STAT5B: variants seen among roughly 807,000 people sequenced by gnomAD.
STAT5B encodes the protein transcription factor STAT5B.
STAT5B carries 21 observed loss-of-function variants against 107.8 expected under a neutral mutation model. The ratio of observed to expected loss-of-function variants is 0.19; its 90% CI spans 0.14 to 0.28. The LOEUF is 0.28. Among genes scored for constraint, STAT5B ranks in the 10% least tolerant of loss-of-function variants. The pLI, the probability that STAT5B is intolerant of heterozygous loss-of-function variation, is 1.00. For missense variants in STAT5B, 565 were observed against 1,008.2 expected, an observed-to-expected ratio of 0.56 and a Z score of 5.95; for synonymous variants, 325 against 401.7, an observed-to-expected ratio of 0.81 and a Z score of 2.28.
At chr17:42,258,380 T>C (rs921731167) in intron 1 of STAT5B, among the ~76,000 whole-genome samples, 5 of 152,330 alleles carry the variant, frequency 3.3e-5, no homozygotes, top group Admixed American at 1.3e-4. Flanking sequence ...TCAGGTATCC[T>C]TTAAAAAGAC....
At chr17:42,245,854 T>C (rs2080447501) in intron 1 of STAT5B, among the ~76,000 whole-genome samples, 1 of 151,820 alleles carries the variant, frequency 6.6e-6, no homozygotes, top group Admixed American at 6.6e-5. Context: ...AGAGATGGGG[T>C]TTCACCATGT....
intron 9 of STAT5B, 123 bp from the exon 10 acceptor site, chr17:42,217,587 G>C: frequency 9.8e-7 from 1 of 1,016,174 alleles, no homozygotes; most frequent in Non-Finnish European, 1.5e-6. Flanking sequence ...TCATTTAGAG[G>C]AAATGTTAGC....
chr17:42,237,002 C>G (rs1218253767), intron 1 of STAT5B, among the ~76,000 whole-genome samples: 1 of 152,180 alleles, frequency 6.6e-6, no homozygotes, highest in African/African-American at 2.4e-5. Context: ...TAAATCATCA[C>G]AGGGGATTCT....
the STAT5B span, among the ~76,000 whole-genome samples, chr17:42,283,673 G>C: frequency 6.6e-6 from 1 of 152,196 alleles, no homozygotes; most frequent in Admixed American, 6.5e-5. Context: ...GGCAGGAACG[G>C]GCTTCACCCA....
Position 42,201,754 on chromosome 17 carries a change from G to A in STAT5B, c.2348C>T (p.Pro783Leu), listed in dbSNP as rs752309096. 8 of 1,610,150 alleles carry A rather than the reference G, an allele frequency of 5.0e-6. No homozygotes were observed. The highest frequency in any genetic ancestry group is 1.7e-5 in the Admixed American group (1 of 59,994). Residue 783 changes from proline to leucine, a missense_variant, in exon 19 of 19, where the codon CCG becomes CTG. By Grantham distance (98) the Pro-to-Leu change is moderately conservative. Around this residue, in one of 11 missense-constraint regions of STAT5B, gnomAD observed 76 missense variants for 110.2 expected, o/e 0.69. Coordinates refer to ENST00000293328, the MANE Select transcript of STAT5B (RefSeq NM_012448.4). ...LGRPMDSQWI[P>L]HAQS ...GTCGCGGGGTCACGATTGTGCGTGC[G>A]GGATCCACTGACTGTCCATTGGCCG...
In STAT5B at chr17:42,221,046, G is replaced by A. The variant is rs1226120022; in HGVS notation, c.551-1204C>T. On this transcript the variant is annotated intron_variant, in intron 5 of 18. Coordinates refer to ENST00000293328, the MANE Select transcript of STAT5B (RefSeq NM_012448.4). The stretch of plus-strand genomic sequence containing the variant: ...ACCAGCATGTCTTGGTCGAGCTCCT[G>A]GCTGGCCCCTGAGGGCCACGTCACT... 8.2e-3 allele frequency among the ~76,000 whole-genome samples: 1,140 copies of A among 139,834 alleles called. 3 individuals carry two copies. Among genetic ancestry groups the A allele is most frequent in the African/African-American group, 0.032 (1,069 of 33,326 alleles). 91.7% of individuals were successfully genotyped at this position (139,834 alleles called of 152,430 possible).
chr17:42,275,918 T>C (rs2080760978), intron 1 of STAT5B, among the ~76,000 whole-genome samples: 2 of 152,056 alleles, frequency 1.3e-5, no homozygotes, highest in African/African-American at 4.8e-5. Flanking sequence ...AGCAGCCCCC[T>C]GAGCTCCTAT....
At chr17:42,259,126 C>T (rs563894157) in intron 1 of STAT5B, among the ~76,000 whole-genome samples, 3 of 152,172 alleles carry the variant, frequency 2.0e-5, no homozygotes, top group Non-Finnish European at 4.4e-5. Flanking sequence ...AGTGATTTGA[C>T]AGTTGAGGTA....
At position 42,254,551 on chromosome 17, in the gene STAT5B, C is replaced by T. The variant is rs1598331456; in HGVS notation, c.-11+21697G>A. Among the ~76,000 whole-genome samples, 3 of 152,078 alleles carry T rather than the reference C, an allele frequency of 2.0e-5. No individual in the cohort carries two copies. The South Asian group carries it at 6.2e-4, about 32-fold the overall frequency. ...AAAAAAAAAATTAAGAATATTTCCC[C>T]TTCATTTTGGTTCTCTTACTCTCTT... On this transcript the variant is annotated intron_variant, in intron 1 of 18. Coordinates refer to ENST00000293328, the MANE Select transcript of STAT5B (RefSeq NM_012448.4).
chr17:42,287,163 A>T, the STAT5B span, among the ~76,000 whole-genome samples: 1 of 151,634 alleles, frequency 6.6e-6, no homozygotes, highest in Admixed American at 6.6e-5. Flanking sequence ...AGGTGGGGAG[A>T]ACGCAGACAT....
chr17:42,239,153 C>G (rs1027352469), intron 1 of STAT5B, among the ~76,000 whole-genome samples: 11 of 145,792 alleles, frequency 7.5e-5, no homozygotes, highest in African/African-American at 2.8e-4. Context: ...GAGGCTGAGG[C>G]AGAAGAATCG....
At chr17:42,217,895 AG>A (rs1290960128) in intron 9 of STAT5B, 6 of 529,932 alleles carry the variant, frequency 1.1e-5, no homozygotes, top group African/African-American at 9.6e-5. Context: ...TAGTAGAGAC[AG>A]GGTTTCACCA....
chr17:42,270,318 T>A (rs931180571), intron 1 of STAT5B, among the ~76,000 whole-genome samples: 9 of 152,096 alleles, frequency 5.9e-5, no homozygotes, highest in Non-Finnish European at 8.8e-5. Flanking sequence ...AGGACAGAAA[T>A]CCCCGCAAAA....
At chr17:42,219,647 C>A in intron 6 of STAT5B, 65 bp downstream of exon 6, 1 of 1,530,942 alleles carries the variant, frequency 6.5e-7, no homozygotes, top group Non-Finnish European at 8.8e-7. Context: ...CCCAGCCCTC[C>A]CTCGGGTCCC....
chr17:42,203,389 G>C (rs148751725), intron 16 of STAT5B, among the ~76,000 whole-genome samples: 2 of 151,450 alleles, frequency 1.3e-5, no homozygotes, highest in African/African-American at 4.9e-5. Flanking sequence ...ACAAATCTAA[G>C]TCAAGCACTA....
chr17:42,207,661 G>A lies in STAT5B; in HGVS notation c.1974C>T (p.Asp658=). ...TAAGGTAATTCAAGTCTCCCAAGCG[G>A]TCGGCTAGGGACCGAATGGAGAAGT... ...TRDFSIRSLA[D]RLGDLNYLIY... is the part of the protein sequence containing the mutation. Residue 658 remains aspartate, a synonymous_variant, in exon 16 of 19, where the codon GAC becomes GAT. Coordinates refer to ENST00000293328, the MANE Select transcript of STAT5B (RefSeq NM_012448.4). 6.2e-7 allele frequency: 1 copy of A among 1,614,164 alleles called. No homozygotes were observed. Among genetic ancestry groups the A allele is most frequent in the Non-Finnish European group, 8.5e-7 (1 of 1,180,034 alleles).
At chr17:42,260,565 T>G (rs2080586140) in intron 1 of STAT5B, among the ~76,000 whole-genome samples, 1 of 152,020 alleles carries the variant, frequency 6.6e-6, no homozygotes, top group Admixed American at 6.6e-5. Context: ...CACATCACCA[T>G]GCCTAGCTAA....
At chr17:42,247,491 G>A (rs543262714) in intron 1 of STAT5B, among the ~76,000 whole-genome samples, 1 of 152,122 alleles carries the variant, frequency 6.6e-6, no homozygotes, top group Non-Finnish European at 1.5e-5. Context: ...AGAGAGAAAC[G>A]CTTCATCAGC....
chr17:42,214,461 G>A (rs1032550417), intron 12 of STAT5B: 1 of 985,304 alleles, frequency 1.0e-6, no homozygotes, highest in Non-Finnish European at 1.2e-6. Context: ...TTTCTCTAAA[G>A]AGGAGTGTTG....
Sources: allele counts gnomAD v4.1 joint callset (sites outside exome capture counted in the v4.1 genomes callset), GRCh38; gene constraint gnomAD v4.1.1; regional missense constraint gnomAD v4.1.1; transcripts MANE v1.5; gene names NCBI Gene and HGNC (gene_info 2026-07-23, HGNC 2026-07-21).